Variants in MAST4 observed in about 807,000 individuals in gnomAD.
The protein encoded by MAST4 is microtubule-associated serine/threonine-protein kinase 4.
A neutral mutation model predicts 162.7 loss-of-function variants in MAST4; 89 were observed. The observed-to-expected ratio is 0.55, with a 90% CI of 0.46 to 0.65. The LOEUF is 0.65. Among genes scored for constraint, MAST4 ranks in the 30% least tolerant of loss-of-function variants. The probability of loss-of-function intolerance (pLI) is 0.00; values close to 1 mark genes in which losing one functional copy is unlikely to be tolerated. For synonymous variants in MAST4, 1,479 were observed against 1,361.1 expected (o/e 1.09, Z -1.91); for missense variants, 3,153 against 3,374.0 (o/e 0.93, Z 1.62).
intron 3 of MAST4, among the ~76,000 whole-genome samples, chr5:66,878,685 C>T (rs1346188920): frequency 6.6e-6 from 1 of 152,152 alleles, no homozygotes; most frequent in Non-Finnish European, 1.5e-5. Context: ...CTCAAGTAAT[C>T]GTGATGTTCT....
intron 1 of MAST4, among the ~76,000 whole-genome samples, chr5:66,729,973 G>A (rs189606609): frequency 1.3e-5 from 2 of 152,302 alleles, no homozygotes; most frequent in Non-Finnish European, 2.9e-5. Flanking sequence ...CATGAACAGT[G>A]GTTGTTCTTT....
intron 4 of MAST4, among the ~76,000 whole-genome samples, chr5:67,012,474 A>G (rs57039065): frequency 0.04 from 6,025 of 152,292 alleles, 382 homozygotes; most frequent in African/African-American, 0.13. Flanking sequence ...ACTACCTGTA[A>G]CTAGTCATTT....
intron 3 of MAST4, among the ~76,000 whole-genome samples, chr5:66,881,743 C>G (rs1761707670): frequency 6.6e-6 from 1 of 152,144 alleles, no homozygotes; most frequent in Non-Finnish European, 1.5e-5. Context: ...AGGTTAAGTA[C>G]AAGTTACTCA....
chr5:66,763,000 C>T (rs1403530479), intron 2 of MAST4, among the ~76,000 whole-genome samples: 2 of 152,194 alleles, frequency 1.3e-5, no homozygotes, highest in Non-Finnish European at 2.9e-5. Context: ...ATTATATTTA[C>T]TGGCTTATTT....
Position 66,831,269 on chromosome 5 carries a change from G to A in MAST4, c.642+42475G>A, listed in dbSNP as rs563908438. On this transcript the variant is annotated intron_variant, in intron 3 of 28. Transcript: ENST00000403625. ...GTTAGAACAGTTATCAGTAAACCTA[G>A]TAAACATTTATTTACAGGGATCATT... is the stretch of plus-strand genomic sequence containing the variant. Among the ~76,000 whole-genome samples the A allele has an allele frequency of 2.6e-5, 4 of 152,232 alleles. No individual in the cohort carries two copies. The South Asian group carries it at 8.3e-4, about 32-fold the overall frequency.
intron 3 of MAST4, among the ~76,000 whole-genome samples, chr5:66,879,339 AAT>A (rs201991219): frequency 0.24 from 25,618 of 108,254 alleles, 2,514 homozygotes; most frequent in African/African-American, 0.32. Context: ...ATGTGTTTAA[AAT>A]ATATACACAC....
At chr5:67,124,067 C>A (rs1303229863) in intron 14 of MAST4, among the ~76,000 whole-genome samples, 3 of 152,242 alleles carry the variant, frequency 2.0e-5, no homozygotes, top group Non-Finnish European at 4.4e-5. Context: ...CTGATTCATT[C>A]TGCTCTAGAT....
At chr5:66,915,596 C>CTTTTT (rs1284359803) in intron 4 of MAST4, among the ~76,000 whole-genome samples, 1 of 152,200 alleles carries the variant, frequency 6.6e-6, no homozygotes, top group African/African-American at 2.4e-5. Context: ...AATTAATGTA[C>CTTTTT]TTTTCAGTAC....
intron 4 of MAST4, among the ~76,000 whole-genome samples, chr5:66,997,638 G>A (rs1430411459): frequency 1.3e-5 from 2 of 151,708 alleles, no homozygotes; most frequent in African/African-American, 4.8e-5. Flanking sequence ...TCGCCACGTT[G>A]GCCAGGCTGG....
chr5:66,674,324 G>C (rs969744947), intron 1 of MAST4, among the ~76,000 whole-genome samples: 1 of 152,200 alleles, frequency 6.6e-6, no homozygotes, highest in Non-Finnish European at 1.5e-5. Flanking sequence ...ACCACCTGCT[G>C]TTTGCTGTAA....
chr5:67,120,897 T>C (rs1218320188), intron 13 of MAST4, 120 bp from the exon 14 acceptor site: 10 of 686,550 alleles, frequency 1.5e-5, no homozygotes, highest in Non-Finnish European at 2.2e-5. Context: ...TTCCTGTGGC[T>C]GGAATACTGT....
intron 5 of MAST4, among the ~76,000 whole-genome samples, chr5:67,060,317 C>T (rs918937416): frequency 6.6e-6 from 1 of 151,848 alleles, no homozygotes; most frequent in African/African-American, 2.4e-5. Context: ...TATAAACAGG[C>T]ATGTTAATGC....
At chr5:66,863,933 C>T (rs1002667848) in intron 3 of MAST4, among the ~76,000 whole-genome samples, 1 of 152,202 alleles carries the variant, frequency 6.6e-6, no homozygotes, top group African/African-American at 2.4e-5. Context: ...TAATCAAATT[C>T]TTCTCAAGCC....
At chr5:67,140,438 A>G (rs780232110) in intron 19 of MAST4, among the ~76,000 whole-genome samples, 2 of 152,262 alleles carry the variant, frequency 1.3e-5, no homozygotes, top group African/African-American at 2.4e-5. Flanking sequence ...CAGAGGTGCT[A>G]TAGAACAGCC....
At chr5:67,023,020 A>G (rs1754177298) in intron 4 of MAST4, among the ~76,000 whole-genome samples, 1 of 152,192 alleles carries the variant, frequency 6.6e-6, no homozygotes, top group Admixed American at 6.5e-5. Flanking sequence ...GTGATACTTT[A>G]TAAGATGGCA....
At chr5:66,850,744 A>G (rs1759244262) in intron 3 of MAST4, among the ~76,000 whole-genome samples, 1 of 152,162 alleles carries the variant, frequency 6.6e-6, no homozygotes, top group Non-Finnish European at 1.5e-5. Context: ...AATTTGAAAT[A>G]CTTCTGGTTC....
At chr5:67,067,423 C>G (rs1271712464) in intron 5 of MAST4, among the ~76,000 whole-genome samples, 2 of 152,184 alleles carry the variant, frequency 1.3e-5, no homozygotes, top group Non-Finnish European at 2.9e-5. Flanking sequence ...TAAAGTACAA[C>G]AACAGTGTCA....
intron 4 of MAST4, among the ~76,000 whole-genome samples, chr5:66,998,390 G>A (rs535215822): frequency 6.6e-6 from 1 of 152,256 alleles, no homozygotes; most frequent in Non-Finnish European, 1.5e-5. Context: ...ACAACTAGTT[G>A]TATATTTATA....
At chr5:66,914,141 A>G (rs963661704) in intron 4 of MAST4, among the ~76,000 whole-genome samples, 42 of 150,576 alleles carry the variant, frequency 2.8e-4, no homozygotes, top group African/African-American at 9.5e-4. Context: ...AGCTTCTACA[A>G]AAAAAAAAGC....
Sources: allele counts gnomAD v4.1 joint callset (sites outside exome capture counted in the v4.1 genomes callset), GRCh38; gene constraint gnomAD v4.1.1; transcripts MANE v1.5; gene names NCBI Gene and HGNC (gene_info 2026-07-23, HGNC 2026-07-21).